PSD3: variants seen among roughly 807,000 people sequenced by gnomAD.
PSD3 encodes the protein pleckstrin and Sec7 domain containing 3, also known as PH and SEC7 domain-containing protein 3.
A neutral mutation model predicts 105.5 loss-of-function variants in PSD3; 49 were observed. That is an observed-to-expected ratio of 0.46 (90% CI 0.37 to 0.59). PSD3 has a LOEUF of 0.59. Among genes scored for constraint, PSD3 ranks in the 20% least tolerant of loss-of-function variants. The pLI is 0.00. For missense variants in PSD3, 1,561 were observed against 1,263.8 expected (o/e 1.24, Z -3.57); for synonymous variants, 557 against 457.8 (o/e 1.22, Z -2.77).
chr8:19,068,809 G>T (rs1413227059), intron 1 of PSD3, among the ~76,000 whole-genome samples: 1 of 151,740 alleles, frequency 6.6e-6, no homozygotes, highest in Non-Finnish European at 1.5e-5. Flanking sequence ...TGTGCTTGGT[G>T]CTGCGATGTA....
At chr8:18,672,266 T>C (rs1799827551) in intron 9 of PSD3, among the ~76,000 whole-genome samples, 1 of 152,012 alleles carries the variant, frequency 6.6e-6, no homozygotes, top group Admixed American at 6.6e-5. Context: ...ACTATGGACA[T>C]GATGAAGTTA....
chr8:18,815,737 T>A (rs1812166081), intron 4 of PSD3, among the ~76,000 whole-genome samples: 2 of 150,974 alleles, frequency 1.3e-5, no homozygotes, highest in South Asian at 4.2e-4. Context: ...ACACACCCAC[T>A]GACGACATGG....
intron 7 of PSD3, among the ~76,000 whole-genome samples, chr8:18,799,918 G>T (rs2632851): frequency 3.9e-5 from 6 of 151,920 alleles, no homozygotes; most frequent in Admixed American, 3.9e-4. Context: ...TTCAATTTAC[G>T]CTAAATTAGA....
intron 13 of PSD3, among the ~76,000 whole-genome samples, chr8:18,573,259 C>G (rs955557699): frequency 6.6e-6 from 1 of 152,140 alleles, no homozygotes; most frequent in Non-Finnish European, 1.5e-5. Context: ...CACGTGAGGT[C>G]AGGAGTTCAA....
chr8:19,046,897 T>C (rs1043907801), intron 1 of PSD3, among the ~76,000 whole-genome samples: 1 of 152,174 alleles, frequency 6.6e-6, no homozygotes, highest in African/African-American at 2.4e-5. Context: ...AGCAGCAAAA[T>C]TCTCAAGTTT....
chr8:18,998,775 T>C (rs1043513359), intron 1 of PSD3, among the ~76,000 whole-genome samples: 1 of 151,768 alleles, frequency 6.6e-6, no homozygotes, highest in South Asian at 2.1e-4. Context: ...TAATGGACTT[T>C]GATTTCTTTA....
intron 1 of PSD3, among the ~76,000 whole-genome samples, chr8:19,044,751 C>T (rs1828252623): frequency 6.6e-6 from 1 of 152,132 alleles, no homozygotes; most frequent in Non-Finnish European, 1.5e-5. Flanking sequence ...GAGAACTTTG[C>T]TCAGTGGTAC....
intron 8 of PSD3, among the ~76,000 whole-genome samples, chr8:18,776,598 G>A (rs533350636): frequency 2.0e-5 from 3 of 152,024 alleles, no homozygotes; most frequent in South Asian, 2.1e-4. Context: ...GGCTGGTCTC[G>A]AACTTCTGAC....
chr8:18,964,019 T>A (rs1158172879), intron 1 of PSD3, among the ~76,000 whole-genome samples: 3 of 152,228 alleles, frequency 2.0e-5, no homozygotes. Flanking sequence ...CACACATGCA[T>A]AGTTTCTACA....
intron 11 of PSD3, among the ~76,000 whole-genome samples, chr8:18,612,500 A>G (rs12541374): frequency 0.067 from 10,200 of 151,946 alleles, 467 homozygotes; most frequent in South Asian, 0.14. Context: ...AGCTTCCCCA[A>G]TAGCTGGGAC....
chr8:18,747,547 G>C (rs1380658491), intron 9 of PSD3, among the ~76,000 whole-genome samples: 1 of 152,168 alleles, frequency 6.6e-6, no homozygotes, highest in Non-Finnish European at 1.5e-5. Context: ...GCATATTAAA[G>C]TGGGAAAATG....
At chr8:18,814,745 G>A (rs1329229040) in intron 4 of PSD3, among the ~76,000 whole-genome samples, 4 of 152,080 alleles carry the variant, frequency 2.6e-5, no homozygotes, top group Non-Finnish European at 4.4e-5. Flanking sequence ...CCCCATTTCC[G>A]GTGGACAAGA....
At chr8:18,741,880 C>A (rs1350030907) in intron 9 of PSD3, among the ~76,000 whole-genome samples, 4 of 146,784 alleles carry the variant, frequency 2.7e-5, no homozygotes, top group African/African-American at 7.6e-5. Flanking sequence ...AATAAAAAAG[C>A]AGGTGGAGCC....
Position 18,765,454 on chromosome 8 carries a change from G to C in PSD3, c.2167C>G (p.Leu723Val), listed in dbSNP as rs1185174744. 2 of 1,605,328 alleles carry C rather than the reference G, an allele frequency of 1.2e-6. No homozygotes were observed. Among genetic ancestry groups the C allele is most frequent in the African/African-American group, 1.3e-5 (1 of 74,732 alleles). Residue 723 changes from leucine to valine, a missense_variant, in exon 9 of 16, where the codon CTG (leucine) becomes GTG (valine). Leu to Val is a conservative substitution (Grantham distance 32). Coordinates refer to ENST00000327040, the MANE Select transcript of PSD3 (RefSeq NM_015310.4). ...NEGVDFSKDL[L>V]KALYNSIKNE... Reference sequence around the variant, plus strand: ...ACCAATAGTTCCATGCTTACTTTCAGCAGATCCTTGGAGAAATCAACACCC... The same window carrying C: ...ACCAATAGTTCCATGCTTACTTTCACCAGATCCTTGGAGAAATCAACACCC...
intron 2 of PSD3, among the ~76,000 whole-genome samples, chr8:18,910,940 TAAA>T (rs541983680): frequency 7.3e-6 from 1 of 136,260 alleles, no homozygotes; most frequent in Non-Finnish European, 1.6e-5. Context: ...TTCAAAAAAA[TAAA>T]AAAAAAAAAA....
chr8:18,803,484 A>C (rs1197887078), intron 6 of PSD3, among the ~76,000 whole-genome samples: 1 of 151,670 alleles, frequency 6.6e-6, no homozygotes, highest in South Asian at 2.1e-4. Context: ...TCTTGAAGAA[A>C]TATTTGTCCA....
intron 1 of PSD3, among the ~76,000 whole-genome samples, chr8:18,963,152 T>A (rs181127205): frequency 1.2e-4 from 19 of 152,266 alleles, no homozygotes; most frequent in African/African-American, 4.6e-4. Flanking sequence ...TCAGGTCTTG[T>A]GAGACTTATT....
chr8:18,548,698 G>C (rs1393190877), intron 15 of PSD3, among the ~76,000 whole-genome samples: 1 of 152,188 alleles, frequency 6.6e-6, no homozygotes. Flanking sequence ...CTCAGTGACT[G>C]TATGACAGGT....
intron 1 of PSD3, among the ~76,000 whole-genome samples, chr8:19,071,696 C>T (rs528509869): frequency 6.1e-5 from 9 of 147,786 alleles, no homozygotes; most frequent in Admixed American, 3.4e-4. Flanking sequence ...CAGGATTTCA[C>T]GTGTCTGCCT....
Sources: allele counts gnomAD v4.1 joint callset (sites outside exome capture counted in the v4.1 genomes callset), GRCh38; gene constraint gnomAD v4.1.1; transcripts MANE v1.5; gene names NCBI Gene and HGNC (gene_info 2026-07-23, HGNC 2026-07-21).